TMPRSS11E: variants seen among roughly 807,000 people sequenced by gnomAD.
TMPRSS11E encodes transmembrane serine protease 11E.
In TMPRSS11E, 38 loss-of-function variants were observed where a neutral mutation model predicts 48.1. The observed-to-expected ratio is 0.79, with a 90% confidence interval of 0.61 to 1.04. The LOEUF (loss-of-function observed/expected upper bound fraction) is 1.04. TMPRSS11E is among the 50% of genes least tolerant of loss of function. The probability of loss-of-function intolerance (pLI) is 0.00; values close to 1 mark genes in which losing one functional copy is unlikely to be tolerated. For synonymous variants in TMPRSS11E, 158 were observed against 171.9 expected (o/e 0.92, Z 0.63); for missense variants, 530 against 510.8 (o/e 1.04, Z -0.36).
chr4:68,462,306 G>C (rs921102308), intron 2 of TMPRSS11E, among the ~76,000 whole-genome samples: 1 of 152,000 alleles, frequency 6.6e-6, no homozygotes, highest in African/African-American at 2.4e-5. Flanking sequence ...ACCGGGTGCA[G>C]TGGCTCACGC....
At chr4:68,448,983 A>G (rs1728421164) in intron 1 of TMPRSS11E, among the ~76,000 whole-genome samples, 1 of 151,796 alleles carries the variant, frequency 6.6e-6, no homozygotes, top group African/African-American at 2.4e-5. Flanking sequence ...TAAGTAGACA[A>G]TTTCTTCTTA....
intron 2 of TMPRSS11E, 65 bp from the exon 3 acceptor site, chr4:68,466,566 G>C: frequency 6.4e-7 from 1 of 1,565,606 alleles, no homozygotes; most frequent in Non-Finnish European, 8.7e-7. Context: ...ACCAAGCGGG[G>C]ATATAATGAT....
At position 68,487,925 on chromosome 4, in the gene TMPRSS11E, G is replaced by A. The variant is rs886657683; in HGVS notation, c.1111-8718G>A. 3.7e-5 allele frequency among the ~76,000 whole-genome samples: 5 copies of A among 136,260 alleles called. No individual in the cohort carries two copies. The East Asian group carries it at 1.0e-3, about 28-fold the overall frequency. 89.4% of individuals were successfully genotyped at this position (136,260 alleles called of 152,430 possible). On this transcript the variant is annotated intron_variant, in intron 9 of 9. Transcript: ENST00000305363. Reference sequence around the variant, plus strand: ...CATTGCGCTCCAGCCTGGGTGACAAGGGTGAGACTCTGTCTCAAAAAAAAA... The same window carrying A: ...CATTGCGCTCCAGCCTGGGTGACAAAGGTGAGACTCTGTCTCAAAAAAAAA...
chr4:68,475,534 G>A (rs976589292), intron 6 of TMPRSS11E, among the ~76,000 whole-genome samples: 5 of 152,078 alleles, frequency 3.3e-5, no homozygotes, highest in Admixed American at 6.6e-5. Context: ...AATATTTATT[G>A]GGAACCTACC....
At chr4:68,495,842 A>C (rs996920069) in intron 9 of TMPRSS11E, among the ~76,000 whole-genome samples, 1 of 152,178 alleles carries the variant, frequency 6.6e-6, no homozygotes, top group South Asian at 2.1e-4. Context: ...AACAAGAATT[A>C]CATGAATTAA....
intron 9 of TMPRSS11E, among the ~76,000 whole-genome samples, chr4:68,495,293 TA>T (rs1231712313): frequency 4.6e-5 from 7 of 152,088 alleles, no homozygotes; most frequent in African/African-American, 1.7e-4. Flanking sequence ...GCTATCTCTT[TA>T]AAATAATTAT....
chr4:68,494,323 C>G (rs572369100), intron 9 of TMPRSS11E, among the ~76,000 whole-genome samples: 34 of 152,272 alleles, frequency 2.2e-4, no homozygotes, highest in East Asian at 1.7e-3. Context: ...CAACAGGCAT[C>G]ATGAAATGTT....
At chr4:68,491,688 A>G (rs921375169) in intron 9 of TMPRSS11E, among the ~76,000 whole-genome samples, 2 of 152,130 alleles carry the variant, frequency 1.3e-5, no homozygotes, top group African/African-American at 4.8e-5. Flanking sequence ...ATGCTTTCAT[A>G]ATTTTCATTT....
chr4:68,479,640 A>G (rs1729351184), intron 9 of TMPRSS11E, among the ~76,000 whole-genome samples: 1 of 150,328 alleles, frequency 6.7e-6, no homozygotes, highest in Non-Finnish European at 1.5e-5. Flanking sequence ...AAATATAAAC[A>G]TTAAATATTA....
At chr4:68,481,159 C>A (rs1252314751) in intron 9 of TMPRSS11E, among the ~76,000 whole-genome samples, 1 of 152,198 alleles carries the variant, frequency 6.6e-6, no homozygotes, top group Non-Finnish European at 1.5e-5. Context: ...GGCTCCATAG[C>A]ATTCCATGGG....
At chr4:68,457,121 C>A (rs1483300446) in intron 1 of TMPRSS11E, among the ~76,000 whole-genome samples, 1 of 152,038 alleles carries the variant, frequency 6.6e-6, no homozygotes, top group African/African-American at 2.4e-5. Flanking sequence ...AACAGGCAAC[C>A]TAGAGAATGG....
At chr4:68,461,761 T>G in intron 1 of TMPRSS11E, 60 bp from the exon 2 acceptor site, 1 of 1,609,598 alleles carries the variant, frequency 6.2e-7, no homozygotes, top group South Asian at 1.1e-5. Flanking sequence ...ATCTGTTTTG[T>G]CTAATGAGTG....
At position 68,497,225 on chromosome 4, in the gene TMPRSS11E, G is replaced by A. The variant is rs1019950022; in HGVS notation, c.*421G>A. On this transcript the variant is annotated 3_prime_UTR_variant, in exon 10 of 10. Transcript: ENST00000305363. ...CCATTTTCAAGGTGCAGAACAAGGA[G>A]TGAAAGAAAATATAAGAAGAAAAAA... 2 of 153,248 alleles carry A rather than the reference G, an allele frequency of 1.3e-5. No homozygotes were observed. Among genetic ancestry groups the A allele is most frequent in the Non-Finnish European group, 2.9e-5 (2 of 68,910 alleles). The allele number at this position is 153,248 out of a possible 1,614,324, so 9.5% of individuals were successfully genotyped here.
At chr4:68,493,477 G>T (rs142086498) in intron 9 of TMPRSS11E, among the ~76,000 whole-genome samples, 4,662 of 151,972 alleles carry the variant, frequency 0.031, 231 homozygotes, top group African/African-American at 0.1. Flanking sequence ...CATTTTTTTG[G>T]GGGGGAGGGA....
chr4:68,464,984 A>T (rs1728888037), intron 2 of TMPRSS11E, among the ~76,000 whole-genome samples: 1 of 152,256 alleles, frequency 6.6e-6, no homozygotes, highest in African/African-American at 2.4e-5. Flanking sequence ...ACAACTCCAC[A>T]GAGAGTTATA....
At chr4:68,476,513 T>G in intron 7 of TMPRSS11E, 75 bp downstream of exon 7, 2 of 1,433,816 alleles carry the variant, frequency 1.4e-6, no homozygotes, top group Non-Finnish European at 1.9e-6. Flanking sequence ...ACCTCATGAA[T>G]TTTGGGAGAT....
intron 5 of TMPRSS11E, among the ~76,000 whole-genome samples, chr4:68,472,969 A>G (rs191838510): frequency 2.0e-5 from 3 of 152,252 alleles, no homozygotes; most frequent in Admixed American, 2.0e-4. Context: ...ATATATAAGT[A>G]CATTTAACTT....
At chr4:68,465,894 G>A (rs1379170876) in intron 2 of TMPRSS11E, among the ~76,000 whole-genome samples, 2 of 152,152 alleles carry the variant, frequency 1.3e-5, no homozygotes, top group Admixed American at 6.5e-5. Context: ...GCACTGGAGG[G>A]TAGAGGAAAA....
At chr4:68,459,757 A>G (rs1578133414) in intron 1 of TMPRSS11E, among the ~76,000 whole-genome samples, 1 of 152,338 alleles carries the variant, frequency 6.6e-6, no homozygotes, top group South Asian at 2.1e-4. Context: ...GTTTTCTACA[A>G]GCACACATTC....
Sources: gnomAD v4.1 joint callset for allele counts (sites outside exome capture counted in the v4.1 genomes callset) on GRCh38, gnomAD v4.1.1 for gene constraint, MANE v1.5 for transcripts, NCBI Gene and HGNC (gene_info 2026-07-23, HGNC 2026-07-21) for gene names.